The following NFXL1 variants were observed in gnomAD, a reference collection of about 807,000 sequenced individuals.
NFXL1 encodes nuclear transcription factor, X-box binding like 1.
NFXL1 carries 66 observed loss-of-function variants against 123.3 expected under a neutral mutation model. That is an observed-to-expected ratio of 0.54 (90% CI 0.44 to 0.66). NFXL1 has a LOEUF of 0.66. NFXL1 is among the 30% of genes least tolerant of loss of function. The probability of loss-of-function intolerance (pLI) is 0.00; values close to 1 mark genes in which losing one functional copy is unlikely to be tolerated. For synonymous variants in NFXL1, 346 were observed against 360.8 expected (o/e 0.96, Z 0.46); for missense variants, 944 against 1,125.6 (o/e 0.84, Z 2.31).
intron 15 of NFXL1, 76 bp downstream of exon 15, chr4:47,884,270 G>T: frequency 1.3e-6 from 1 of 784,470 alleles, no homozygotes; most frequent in Non-Finnish European, 2.1e-6. Flanking sequence ...AAAAAAGGGA[G>T]ATTGACTTCA....
intron 17 of NFXL1, among the ~76,000 whole-genome samples, chr4:47,875,648 G>C (rs906316638): frequency 6.6e-6 from 1 of 152,080 alleles, no homozygotes; most frequent in African/African-American, 2.4e-5. Context: ...TACAGAGTAA[G>C]AATGTTCATT....
At chr4:47,899,946 A>G (rs972032896) in intron 5 of NFXL1, among the ~76,000 whole-genome samples, 5 of 152,372 alleles carry the variant, frequency 3.3e-5, no homozygotes, top group Non-Finnish European at 7.3e-5. Context: ...AGCTACAAAA[A>G]GAAAGTAACA....
intron 2 of NFXL1, among the ~76,000 whole-genome samples, chr4:47,912,506 C>A (rs2110111818): frequency 7.0e-6 from 1 of 143,822 alleles, no homozygotes; most frequent in East Asian, 2.1e-4. Context: ...GTCGCCCAGG[C>A]TGGAGTGCAG....
chr4:47,883,364 T>C (rs923447058), intron 15 of NFXL1, among the ~76,000 whole-genome samples: 8 of 152,182 alleles, frequency 5.3e-5, no homozygotes, highest in Non-Finnish European at 7.3e-5. Flanking sequence ...CAATGTCTCT[T>C]CTGTTTCTCT....
chr4:47,905,971 C>G (rs1020609298), intron 3 of NFXL1, among the ~76,000 whole-genome samples: 1 of 151,926 alleles, frequency 6.6e-6, no homozygotes, highest in African/African-American at 2.4e-5. Context: ...TGCTAGACAC[C>G]GTACTATTAG....
chr4:47,861,462 G>A (rs539056255), intron 19 of NFXL1, among the ~76,000 whole-genome samples: 25 of 152,228 alleles, frequency 1.6e-4, no homozygotes, highest in Middle Eastern at 6.8e-3. Flanking sequence ...AAAAGTCATA[G>A]CATCACAACT....
At chr4:47,859,871 CAAA>C (rs1405762626) in intron 19 of NFXL1, among the ~76,000 whole-genome samples, 2 of 52,572 alleles carry the variant, frequency 3.8e-5, no homozygotes, top group African/African-American at 1.5e-4. Flanking sequence ...AAAAAAAAAA[CAAA>C]CAAACAAAAA....
chr4:47,910,780 AC>A (rs1264649233), intron 3 of NFXL1, 43 bp downstream of exon 3: 15 of 1,264,960 alleles, frequency 1.2e-5, no homozygotes, highest in Non-Finnish European at 1.5e-5. Context: ...TGTCAGGAAT[AC>A]AGTTTCATTG....
chr4:47,864,531 A>G (rs922481401), intron 18 of NFXL1, among the ~76,000 whole-genome samples: 4 of 152,176 alleles, frequency 2.6e-5, no homozygotes, highest in Non-Finnish European at 5.9e-5. Context: ...CACAGGCCAA[A>G]AAGAACTGAA....
intron 10 of NFXL1, among the ~76,000 whole-genome samples, chr4:47,894,929 A>G (rs972334019): frequency 1.4e-4 from 22 of 152,206 alleles, no homozygotes; most frequent in African/African-American, 5.1e-4. Flanking sequence ...GCCTTAGGAA[A>G]TGTATTTCTT....
At position 47,862,871 on chromosome 4, in the gene NFXL1, C is replaced by A; in HGVS notation, c.2291G>T (p.Cys764Phe). 2.5e-6 allele frequency: 4 copies of A among 1,582,898 alleles called. No homozygotes were observed. The highest frequency in any genetic ancestry group is 3.4e-6 in the Non-Finnish European group (4 of 1,167,280). ...CTCTTTAGGGCACTGATTTTTGCAA[C>A]AACTGAGGAGGTTCTTTTCATTTAC... ...ADVNEKNLLS[C>F]CKNQCPKELP... is the part of the protein sequence containing the mutation. Residue 764 changes from cysteine (C) to phenylalanine (F), a missense_variant, in exon 19 of 23, where the codon TGT (cysteine) becomes TTT (phenylalanine). Physicochemically the swap from Cys to Phe is radical, Grantham distance 205. Around this residue, in one of 4 missense-constraint regions of NFXL1, gnomAD observed 301 missense variants for 348.0 expected, o/e 0.86. Coordinates refer to ENST00000507489, the MANE Select transcript of NFXL1 (RefSeq NM_001278624.2).
chr4:47,874,633 G>A (rs957023982), intron 18 of NFXL1, among the ~76,000 whole-genome samples: 18 of 152,064 alleles, frequency 1.2e-4, no homozygotes, highest in Non-Finnish European at 2.4e-4. Flanking sequence ...GAGAATTATC[G>A]AAATGTGACA....
chr4:47,879,114 T>C lies in NFXL1; in HGVS notation c.1920A>G (p.Glu640=). 1.5e-6 allele frequency: 2 copies of C among 1,361,328 alleles called. No homozygotes were observed. Among genetic ancestry groups the C allele is most frequent in the Non-Finnish European group, 9.9e-7 (1 of 1,010,688 alleles). 84.3% of individuals were successfully genotyped at this position (1,361,328 alleles called of 1,614,324 possible). ...AACTTACCTCATGTTTCCCAAGACA[T>C]TCCCTACAAGGAAAAAATAAAATAA... is the stretch of plus-strand genomic sequence containing the variant. ...CPPCQVPIPM[E]CLGKHEVSPL... Residue 640 remains glutamate (E), a synonymous_variant, in exon 16 of 23, where the codon GAA becomes GAG. Coordinates refer to ENST00000507489, the MANE Select transcript of NFXL1 (RefSeq NM_001278624.2).
At chr4:47,870,140 T>C (rs764290371) in intron 18 of NFXL1, among the ~76,000 whole-genome samples, 2 of 152,210 alleles carry the variant, frequency 1.3e-5, no homozygotes, top group Non-Finnish European at 2.9e-5. Flanking sequence ...CCAATGATAC[T>C]ACATATTCTA....
At chr4:47,908,867 T>C (rs1440343901) in intron 3 of NFXL1, among the ~76,000 whole-genome samples, 1 of 149,916 alleles carries the variant, frequency 6.7e-6, no homozygotes, top group Non-Finnish European at 1.5e-5. Flanking sequence ...AGGCAGGAGA[T>C]TGGCATGAAC....
intron 12 of NFXL1, among the ~76,000 whole-genome samples, chr4:47,888,230 C>T (rs1364709943): frequency 6.6e-6 from 1 of 152,236 alleles, no homozygotes; most frequent in East Asian, 1.9e-4. Context: ...GCCGGGATTG[C>T]GCCACTGCAC....
chr4:47,899,089 T>C lies in NFXL1; in HGVS notation c.858A>G (p.Thr286=). 1 of 1,609,280 alleles carries C rather than the reference T, an allele frequency of 6.2e-7. No homozygotes were observed. The highest frequency in any genetic ancestry group is 8.5e-7 in the Non-Finnish European group (1 of 1,179,416). ...GPCPPCPKMV[T]TTCYCKKAKP... ...TTGCTTTCTTACAGTAACAAGTAGT[T>C]GTGACCATCTTTGGACAAGGAGGGC... is the stretch of plus-strand genomic sequence containing the variant. The change falls in exon 7 of 23, where the codon ACA becomes ACG. Residue 286 remains threonine, a synonymous_variant. Coordinates refer to ENST00000507489, the MANE Select transcript of NFXL1 (RefSeq NM_001278624.2).
Position 47,891,113 on chromosome 4 carries a change from T to C in NFXL1, c.1453-410A>G, listed in dbSNP as rs1736742209. Among the ~76,000 whole-genome samples, 3 of 132,156 alleles carry C rather than the reference T, an allele frequency of 2.3e-5. No individual in the cohort carries two copies. The South Asian group carries it at 7.6e-4, about 33-fold the overall frequency. 86.7% of individuals were successfully genotyped at this position (132,156 alleles called of 152,430 possible). On this transcript the variant is annotated intron_variant, in intron 11 of 22. Transcript: ENST00000507489. The stretch of plus-strand genomic sequence containing the variant: ...GTTATTTATTTTCTTTTTCTTTTTT[T>C]CTTTTTTTTTTTTTTCTTGAGACAG...
At chr4:47,863,265 C>G (rs564687729) in intron 18 of NFXL1, among the ~76,000 whole-genome samples, 1 of 152,152 alleles carries the variant, frequency 6.6e-6, no homozygotes, top group Admixed American at 6.5e-5. Flanking sequence ...ATTGTTAATG[C>G]CCCTACATAA....
Sources: gnomAD v4.1 joint callset for allele counts (sites outside exome capture counted in the v4.1 genomes callset) on GRCh38, gnomAD v4.1.1 for gene constraint, gnomAD v4.1.1 regional missense constraint, MANE v1.5 for transcripts, NCBI Gene and HGNC (gene_info 2026-07-23, HGNC 2026-07-21) for gene names.